IGFN1: variants seen among roughly 807,000 people sequenced by gnomAD.
IGFN1 encodes the protein immunoglobulin like and fibronectin type III domain containing 1, also known as immunoglobulin-like and fibronectin type III domain-containing protein 1.
Under a neutral mutation model 289.5 loss-of-function variants are expected in IGFN1, and 253 were observed. The observed-to-expected ratio is 0.87, with a 90% CI of 0.79 to 0.97. The LOEUF (loss-of-function observed/expected upper bound fraction) is 0.97. Ranked by LOEUF, IGFN1 falls within the 50% of genes least tolerant of loss-of-function variation. The probability of loss-of-function intolerance (pLI) is 0.00; values close to 1 mark genes in which losing one functional copy is unlikely to be tolerated. For synonymous variants in IGFN1, 1,706 were observed against 1,788.5 expected (o/e 0.95, Z 1.16); for missense variants, 4,470 against 4,686.1 (o/e 0.95, Z 1.35).
chr1:201,216,042 TG>T (rs993128759), intron 15 of IGFN1: 26 of 728,068 alleles, frequency 3.6e-5, no homozygotes, highest in African/African-American at 1.9e-4. Context: ...GGGCTCCTGC[TG>T]GGGGGGAGGA....
rs1163039386 is a variant in IGFN1 at position 201,207,023 on chromosome 1, C to T, written c.2130C>T (p.Gly710=). The part of the protein sequence containing the change: ...GRDADYGEAR[G]YWGSGELLEQ... ...ATGCTGACTATGGGGAAGCCAGGGG[C>T]TACTGGGGGTCAGGAGAGTTGCTAG... is the stretch of plus-strand genomic sequence containing the variant. Residue 710 remains glycine, a synonymous_variant, in exon 12 of 24, where the codon GGC becomes GGT. Coordinates refer to ENST00000335211, the MANE Select transcript of IGFN1 (RefSeq NM_001164586.2). 2.0e-6 allele frequency: 3 copies of T among 1,536,680 alleles called. No homozygotes were observed. Among genetic ancestry groups the T allele is most frequent in the Non-Finnish European group, 2.6e-6 (3 of 1,146,716 alleles).
Position 201,205,206 on chromosome 1 carries a change from A to G in IGFN1, c.1041A>G (p.Leu347=), listed in dbSNP as rs1024987817. Residue 347 remains leucine, a synonymous_variant, in exon 11 of 24, where the codon CTA becomes CTG. Coordinates refer to ENST00000335211, the MANE Select transcript of IGFN1 (RefSeq NM_001164586.2). Reference sequence around the variant, plus strand: ...CAGCCTGGCATTTCCGGCACCGGCTACTCCACCCCAGTGACAAATATGAAG... The same window carrying G: ...CAGCCTGGCATTTCCGGCACCGGCTGCTCCACCCCAGTGACAAATATGAAG... ...PSAAWHFRHR[L]LHPSDKYEVY... 2.1e-5 allele frequency: 32 copies of G among 1,550,798 alleles called. No homozygotes were observed. The highest frequency in any genetic ancestry group is 3.3e-4 in the Middle Eastern group (2 of 6,012).
At position 201,228,657 on chromosome 1, in the gene IGFN1, A is replaced by G. The variant is rs779288213; in HGVS notation, c.*258A>G. ...ACAGCGAACCTCCTGGACCCTCACC[A>G]TATGGGTTTCTTTCTTCTTCGCTTC... On this transcript the variant is annotated 3_prime_UTR_variant, in exon 24 of 24. Transcript: ENST00000335211. 12 of 547,258 alleles carry G rather than the reference A, an allele frequency of 2.2e-5. No individual in the cohort carries two copies. Among genetic ancestry groups the G allele is most frequent in the Non-Finnish European group, 3.6e-5 (11 of 306,190 alleles). 33.9% of individuals were successfully genotyped at this position (547,258 alleles called of 1,614,324 possible). A position where few individuals can be genotyped will look rare whatever the true frequency, so the allele number is the denominator to read the frequency against.
At position 201,208,557 on chromosome 1, in the gene IGFN1, G is replaced by A; in HGVS notation, c.3664G>A (p.Gly1222Arg). The A allele has an allele frequency of 6.8e-7, 1 of 1,466,504 alleles. No individual in the cohort carries two copies. The highest frequency in any genetic ancestry group is 8.9e-7 in the Non-Finnish European group (1 of 1,117,644). The allele number at this position is 1,466,504 out of a possible 1,614,324, so 90.8% of individuals were successfully genotyped here. The change falls in exon 12 of 24, where the codon GGG becomes AGG. Residue 1222 changes from glycine (G) to arginine (R), a missense_variant. Gly to Arg is a moderately radical substitution (Grantham distance 125). Transcript: ENST00000335211. ...LGYEDGSELPGPQGTGVRTAY... is the reference protein window; with the variant it reads ...LGYEDGSELPRPQGTGVRTAY... ...TTATGAGGATGGATCAGAACTTCCA[G>A]GGCCTCAGGGAACTGGGGTCAGAAC...
chr1:201,218,502 G>T, intron 17 of IGFN1, 28 bp from the exon 18 acceptor site: 1 of 1,604,062 alleles, frequency 6.2e-7, no homozygotes. Flanking sequence ...CCATCAGGGT[G>T]GGACTCACAT....
rs187760884 is a variant in IGFN1, at chr1:201,204,140, G to A, written c.916+234G>A. Among the ~76,000 whole-genome samples, 4 of 152,280 alleles carry A rather than the reference G, an allele frequency of 2.6e-5. No individual in the cohort carries two copies. The East Asian group carries it at 7.7e-4, about 29-fold the overall frequency. On this transcript the variant is annotated intron_variant, in intron 10 of 23. Coordinates refer to ENST00000335211, the MANE Select transcript of IGFN1 (RefSeq NM_001164586.2). ...TGGGTTCTACTGAATTACTGTCACAGACATAGAACATATGTGTCATGCCTC... is the reference window on the plus strand; with the variant it reads ...TGGGTTCTACTGAATTACTGTCACAAACATAGAACATATGTGTCATGCCTC...
chr1:201,218,432 C>A, intron 17 of IGFN1, 98 bp from the exon 18 acceptor site: 1 of 1,205,544 alleles, frequency 8.3e-7, no homozygotes, highest in Non-Finnish European at 1.2e-6. Flanking sequence ...TGTGTTAGGA[C>A]CCCAGGCTTG....
rs750964280 is a variant in IGFN1 at position 201,228,372 on chromosome 1, C to A, written c.11114-14C>A. 3.1e-6 allele frequency: 5 copies of A among 1,613,952 alleles called. No individual in the cohort carries two copies. Among genetic ancestry groups the A allele is most frequent in the Non-Finnish European group, 4.2e-6 (5 of 1,179,862 alleles). ...TGCCCCTCTGAACCAACTGGAATAT[C>A]CTGTGTCTTGCAGAACCCAGCACCT... On this transcript the variant is annotated splice_polypyrimidine_tract_variant and intron_variant, in intron 23 of 23. Coordinates refer to ENST00000335211, the MANE Select transcript of IGFN1 (RefSeq NM_001164586.2).
intron 17 of IGFN1, among the ~76,000 whole-genome samples, chr1:201,217,957 A>G (rs1322095929): frequency 6.6e-6 from 1 of 152,238 alleles, no homozygotes; most frequent in African/African-American, 2.4e-5. Flanking sequence ...AAAGAAACAA[A>G]CTGCATTCTG....
chr1:201,209,917 G>A lies in IGFN1; in HGVS notation c.5024G>A (p.Arg1675Lys), dbSNP rs1263424147. 3 of 1,465,430 alleles carry A rather than the reference G, an allele frequency of 2.0e-6. No homozygotes were observed. The highest frequency in any genetic ancestry group is 2.7e-6 in the Non-Finnish European group (3 of 1,094,182). 90.8% of individuals were successfully genotyped at this position (1,465,430 alleles called of 1,614,324 possible). A position where few individuals can be genotyped will look rare whatever the true frequency, so the allele number is the denominator to read the frequency against. The change falls in exon 12 of 24, where the codon AGG becomes AAG. Residue 1675 changes from arginine (R) to lysine (K), a missense_variant. By Grantham distance (26) the Arg-to-Lys change is conservative (BLOSUM62 2). Around this residue, in one of 8 missense-constraint regions of IGFN1, gnomAD observed 49 missense variants for 62.6 expected, o/e 0.78. Coordinates refer to ENST00000335211, the MANE Select transcript of IGFN1 (RefSeq NM_001164586.2). ...GGGTCAATGGATGAGGCAGGTTATA[G>A]GAAGAATTTGGGGGCTCCTGAGGGA... is the stretch of plus-strand genomic sequence containing the variant. The part of the protein sequence containing the change: ...EMGSMDEAGY[R>K]KNLGAPEGIG...
rs371094909 is a variant in IGFN1, at chr1:201,226,957, G to A, written c.10862G>A (p.Arg3621Gln). 56 of 1,612,486 alleles carry A rather than the reference G, an allele frequency of 3.5e-5. No individual in the cohort carries two copies. Among genetic ancestry groups the A allele is most frequent in the Non-Finnish European group, 4.1e-5 (48 of 1,179,682 alleles). Residue 3621 changes from arginine to glutamine, a missense_variant, in exon 23 of 24, where the codon CGG (arginine) becomes CAG (glutamine). Arg to Gln is a conservative substitution (Grantham distance 43). Transcript: ENST00000335211. Reference sequence around the variant, plus strand: ...AAGCCCCGGTTCCTGGTGGGCCTGCGGTCCCACCTGCTGCCCCAGGGCTGC... The same window carrying A: ...AAGCCCCGGTTCCTGGTGGGCCTGCAGTCCCACCTGCTGCCCCAGGGCTGC... ...SQKPRFLVGL[R>Q]SHLLPQGCEC...
intron 17 of IGFN1, among the ~76,000 whole-genome samples, chr1:201,217,969 G>C (rs1389435405): frequency 1.3e-5 from 2 of 152,230 alleles, no homozygotes; most frequent in Non-Finnish European, 2.9e-5. Context: ...TGCATTCTGA[G>C]ATCAGAAAGA....
chr1:201,191,462 G>A (rs1019059690), intron 1 of IGFN1, among the ~76,000 whole-genome samples: 13 of 152,196 alleles, frequency 8.5e-5, no homozygotes, highest in Non-Finnish European at 1.2e-4. Flanking sequence ...ATCCAGTGCT[G>A]AGAGTGTTGT....
At position 201,205,337 on chromosome 1, in the gene IGFN1, C is replaced by T. The variant is rs1157580193; in HGVS notation, c.1172C>T (p.Ala391Val). 1 of 1,539,272 alleles carries T rather than the reference C, an allele frequency of 6.5e-7. No individual in the cohort carries two copies. The highest frequency in any genetic ancestry group is 2.5e-5 in the East Asian group (1 of 40,702). Residue 391 changes from alanine to valine, a missense_variant, in exon 11 of 24, where the codon GCC becomes GTC. Ala to Val is a moderately conservative substitution (Grantham distance 64, BLOSUM62 0). Transcript: ENST00000335211. ...SLGTGLYTSS[A>V]WLVVEAGKDK... is the part of the protein sequence containing the mutation. The stretch of plus-strand genomic sequence containing the variant: ...GGCACCGGGCTCTACACTTCCAGCG[C>T]CTGGCTGGTGGTTGAAGGTGAGTGC...
In IGFN1 at chr1:201,215,780, C is replaced by T. The variant is rs1167858773; in HGVS notation, c.9237C>T (p.Ser3079=). 2 of 1,600,928 alleles carry T rather than the reference C, an allele frequency of 1.2e-6. No individual in the cohort carries two copies. Among genetic ancestry groups the T allele is most frequent in the Admixed American group, 1.7e-5 (1 of 59,344 alleles). ...GCAGGAAGGACTGTGGCCAGTACAG[C>T]GTGACACTGAGGAGTGAGGGAGGCT... is the stretch of plus-strand genomic sequence containing the variant. ...SAGRKDCGQY[S]VTLRSEGGSV... Residue 3079 remains serine, a synonymous_variant, in exon 15 of 24, where the codon AGC becomes AGT. Coordinates refer to ENST00000335211, the MANE Select transcript of IGFN1 (RefSeq NM_001164586.2).
Position 201,224,883 on chromosome 1 carries a change from G to A in IGFN1, c.10486+9G>A, listed in dbSNP as rs1459519837. 2 of 1,608,896 alleles carry A rather than the reference G, an allele frequency of 1.2e-6. No homozygotes were observed. Among genetic ancestry groups the A allele is most frequent in the Admixed American group, 3.4e-5 (2 of 59,616 alleles). ...CCGTATCAGGGTGGCAGGTGAGGCA[G>A]GCCTTGCTCTGGGCTCTGGACGCTG... On this transcript the variant is annotated intron_variant, in intron 21 of 23. Coordinates refer to ENST00000335211, the MANE Select transcript of IGFN1 (RefSeq NM_001164586.2).
In IGFN1 at chr1:201,207,517, G is replaced by C; in HGVS notation, c.2624G>C (p.Gly875Ala). ...GGTATGGGTGGTATCTGGGTGGCTG[G>C]ACTGACGGAGTCTGGTCAGGGGGTG... is the stretch of plus-strand genomic sequence containing the variant. ...QEGMGGIWVA[G>A]LTESGQGVDA... Residue 875 changes from glycine to alanine, a missense_variant, in exon 12 of 24, where the codon GGA becomes GCA. Physicochemically the swap from Gly to Ala is moderately conservative, Grantham distance 60 (BLOSUM62 0). This residue lies in a region of IGFN1 where 2,011 missense variants were observed against 1,953.4 expected (regional missense o/e 1.03). Transcript: ENST00000335211. 6.5e-7 allele frequency: 1 copy of C among 1,536,150 alleles called. No individual in the cohort carries two copies. Among genetic ancestry groups the C allele is most frequent in the Non-Finnish European group, 8.7e-7 (1 of 1,146,412 alleles).
chr1:201,207,377 T>C lies in IGFN1; in HGVS notation c.2484T>C (p.Gly828=). 6.5e-7 allele frequency: 1 copy of C among 1,536,116 alleles called. No homozygotes were observed. Among genetic ancestry groups the C allele is most frequent in the Non-Finnish European group, 8.7e-7 (1 of 1,146,610 alleles). The part of the protein sequence containing the change: ...GWTAGHRAAG[G]IGRIESKGTS... Reference sequence around the variant, plus strand: ...CAGCAGGTCACAGAGCAGCAGGGGGTATTGGCAGAATAGAATCTAAGGGCA... The same window carrying C: ...CAGCAGGTCACAGAGCAGCAGGGGGCATTGGCAGAATAGAATCTAAGGGCA... Residue 828 remains glycine (G), a synonymous_variant, in exon 12 of 24, where the codon GGT becomes GGC. Transcript: ENST00000335211.
chr1:201,198,782 T>C (rs1034458613), intron 5 of IGFN1, among the ~76,000 whole-genome samples: 5 of 152,156 alleles, frequency 3.3e-5, no homozygotes, highest in Admixed American at 3.3e-4. Context: ...CTGGAGCTCA[T>C]TGGTCAGGAC....
Sources: allele counts gnomAD v4.1 joint callset (sites outside exome capture counted in the v4.1 genomes callset), GRCh38; gene constraint gnomAD v4.1.1; regional missense constraint gnomAD v4.1.1; transcripts MANE v1.5; gene names NCBI Gene and HGNC (gene_info 2026-07-23, HGNC 2026-07-21).